The following RAB3IP variants were observed in gnomAD, a reference collection of about 807,000 sequenced individuals.
RAB3IP encodes RAB3A interacting protein.
In RAB3IP, 36 loss-of-function variants were observed where a neutral mutation model predicts 59.1. The ratio of observed to expected loss-of-function variants is 0.61; its 90% confidence interval spans 0.47 to 0.80. The LOEUF is 0.80. Among genes scored for constraint, RAB3IP ranks in the 30% least tolerant of loss-of-function variants. The pLI, the probability that RAB3IP is intolerant of heterozygous loss-of-function variation, is 0.00. For missense variants in RAB3IP, 511 were observed against 536.0 expected, an observed-to-expected ratio of 0.95 and a Z score of 0.46; for synonymous variants, 207 against 191.2, an observed-to-expected ratio of 1.08 and a Z score of -0.68.
In RAB3IP at chr12:69,759,761, C is replaced by T. The variant is rs571637677; in HGVS notation, c.510+3098C>T. On this transcript the variant is annotated intron_variant, in intron 3 of 10. Transcript: ENST00000247833. Reference sequence around the variant, plus strand: ...GGGCGGGGGCTGACCCCCCACCTCCCTCCCGGATGGGGCGGCTGGCCGGGC... The same window carrying T: ...GGGCGGGGGCTGACCCCCCACCTCCTTCCCGGATGGGGCGGCTGGCCGGGC... 9.9e-5 allele frequency among the ~76,000 whole-genome samples: 15 copies of T among 151,578 alleles called. No individual in the cohort carries two copies. In the South Asian group the frequency reaches 3.1e-3, roughly 32 times the overall value.
chr12:69,753,612 G>A (rs1004695518), intron 1 of RAB3IP, among the ~76,000 whole-genome samples: 1 of 152,142 alleles, frequency 6.6e-6, no homozygotes, highest in Non-Finnish European at 1.5e-5. Context: ...GCCTCCCAAA[G>A]TGCTGGGATT....
At chr12:69,801,310 G>C (rs1003350065) in intron 7 of RAB3IP, among the ~76,000 whole-genome samples, 1 of 152,154 alleles carries the variant, frequency 6.6e-6, no homozygotes, top group African/African-American at 2.4e-5. Flanking sequence ...TTTTGAAGTG[G>C]CATTAACTGT....
At chr12:69,755,829 G>T (rs1314100819) in intron 2 of RAB3IP, among the ~76,000 whole-genome samples, 170 bp downstream of exon 2, 2 of 152,144 alleles carry the variant, frequency 1.3e-5, no homozygotes, top group Non-Finnish European at 2.9e-5. Context: ...AACTTTATAT[G>T]TGAAGGACCA....
chr12:69,772,596 T>A (rs532241878), intron 3 of RAB3IP, among the ~76,000 whole-genome samples: 1 of 152,300 alleles, frequency 6.6e-6, no homozygotes, highest in South Asian at 2.1e-4. Context: ...GTGGTTACCA[T>A]GAGGCTTACA....
intron 1 of RAB3IP, 33 bp from the exon 2 acceptor site, chr12:69,755,351 A>G (rs756081397): frequency 1.8e-5 from 28 of 1,545,892 alleles, no homozygotes; most frequent in Non-Finnish European, 2.3e-5. Flanking sequence ...GTTATTATCT[A>G]AAAATAAGTA....
intron 1 of RAB3IP, among the ~76,000 whole-genome samples, chr12:69,749,211 C>T (rs1027148265): frequency 7.2e-5 from 11 of 152,196 alleles, no homozygotes; most frequent in African/African-American, 2.7e-4. Context: ...CCTGTCAGAT[C>T]AGCAAGCTGC....
chr12:69,758,756 C>CTTT lies in RAB3IP; in HGVS notation c.510+2116_510+2118dup, dbSNP rs71437121. Reference sequence around the variant, plus strand: ...TACATGGGCATCTGTGTGTTCATTCCTTTTTTTTTTTTTTTTTTTTTTTTT... The same window carrying CTTT: ...TACATGGGCATCTGTGTGTTCATTCCTTTTTTTTTTTTTTTTTTTTTTTTTTTT... On this transcript the variant is annotated intron_variant, in intron 3 of 10. Coordinates refer to ENST00000247833, the MANE Select transcript of RAB3IP (RefSeq NM_022456.5). Among the ~76,000 whole-genome samples, 49 of 48,208 alleles carry CTTT rather than the reference C, an allele frequency of 1.0e-3. 2 individuals are homozygous for CTTT. The highest frequency in any genetic ancestry group is 3.0e-3 in the Admixed American group (9 of 2,968). The allele number at this position is 48,208 out of a possible 152,430, so 31.6% of individuals were successfully genotyped here. A position where few individuals can be genotyped will look rare whatever the true frequency, so the allele number is the denominator to read the frequency against.
chr12:69,803,968 T>A (rs1213982541), intron 8 of RAB3IP, among the ~76,000 whole-genome samples: 1 of 152,202 alleles, frequency 6.6e-6, no homozygotes, highest in Non-Finnish European at 1.5e-5. Context: ...TACATGTGCA[T>A]GTGTCTTTAT....
At chr12:69,784,580 C>T in intron 3 of RAB3IP, 140 bp from the exon 4 acceptor site, 5 of 352,276 alleles carry the variant, frequency 1.4e-5, no homozygotes. Context: ...ATAGCAGGTG[C>T]TAGATAAATA....
In RAB3IP at chr12:69,812,857, T is replaced by A. The variant is rs1306883731; in HGVS notation, c.1210T>A (p.Ser404Thr). The change falls in exon 9 of 11, where the codon TCT becomes ACT. Residue 404 changes from serine (S) to threonine (T), a missense_variant. Physicochemically the swap from Ser to Thr is moderately conservative, Grantham distance 58. Coordinates refer to ENST00000247833, the MANE Select transcript of RAB3IP (RefSeq NM_022456.5). ...GGACTCAAGCAACTATTATTATATTTCTCCTTTTTGCAGATACAGGGTAAG... is the reference window on the plus strand; with the variant it reads ...GGACTCAAGCAACTATTATTATATTACTCCTTTTTGCAGATACAGGGTAAG... ...LGDSSNYYYI[S>T]PFCRYRITSV... 1.2e-6 allele frequency: 2 copies of A among 1,612,664 alleles called. No homozygotes were observed. Among genetic ancestry groups the A allele is most frequent in the Non-Finnish European group, 1.7e-6 (2 of 1,178,776 alleles).
At chr12:69,768,947 C>A (rs946657732) in intron 3 of RAB3IP, among the ~76,000 whole-genome samples, 1 of 152,062 alleles carries the variant, frequency 6.6e-6, no homozygotes, top group African/African-American at 2.4e-5. Flanking sequence ...ATCTTGAATT[C>A]CCATGTGTTG....
intron 8 of RAB3IP, among the ~76,000 whole-genome samples, chr12:69,806,230 T>A (rs1306635777): frequency 6.6e-6 from 1 of 152,086 alleles, no homozygotes; most frequent in East Asian, 1.9e-4. Flanking sequence ...CTTGGGAGAG[T>A]GTATGTGTCG....
intron 4 of RAB3IP, among the ~76,000 whole-genome samples, chr12:69,792,531 G>A (rs559817304): frequency 2.0e-5 from 3 of 152,252 alleles, no homozygotes; most frequent in Admixed American, 2.0e-4. Context: ...TGGTATAGGT[G>A]ATACTTACAT....
chr12:69,801,667 G>A lies in RAB3IP; in HGVS notation c.1076G>A (p.Gly359Glu). 2 of 1,613,124 alleles carry A rather than the reference G, an allele frequency of 1.2e-6. No individual in the cohort carries two copies. Among genetic ancestry groups the A allele is most frequent in the Non-Finnish European group, 1.7e-6 (2 of 1,179,440 alleles). ...ENNTLSIEPV[G>E]LQPIRFVKAS... ...AATACTCTAAGCATTGAACCAGTGGGATTACAACCTATCCGGTTTGTGAAA... is the reference window on the plus strand; with the variant it reads ...AATACTCTAAGCATTGAACCAGTGGAATTACAACCTATCCGGTTTGTGAAA... Residue 359 changes from glycine to glutamate, a missense_variant, in exon 8 of 11, where the codon GGA becomes GAA. Coordinates refer to ENST00000247833, the MANE Select transcript of RAB3IP (RefSeq NM_022456.5).
intron 8 of RAB3IP, among the ~76,000 whole-genome samples, chr12:69,806,129 A>G (rs960142965): frequency 7.2e-5 from 11 of 151,956 alleles, no homozygotes; most frequent in South Asian, 6.2e-4. Flanking sequence ...TCTGGTCTGG[A>G]CTTTTTTTGG....
intron 1 of RAB3IP, among the ~76,000 whole-genome samples, chr12:69,747,813 T>C (rs1868571489): frequency 6.6e-6 from 1 of 152,200 alleles, no homozygotes; most frequent in Admixed American, 6.5e-5. Context: ...TACACTGAAA[T>C]AGATGAAGAT....
At chr12:69,797,680 C>G (rs537513967) in intron 6 of RAB3IP, among the ~76,000 whole-genome samples, 1 of 151,836 alleles carries the variant, frequency 6.6e-6, no homozygotes, top group Non-Finnish European at 1.5e-5. Flanking sequence ...CCCATCCCCC[C>G]ACCCCACAAC....
intron 1 of RAB3IP, among the ~76,000 whole-genome samples, chr12:69,744,376 C>T (rs1210064941): frequency 6.7e-6 from 1 of 149,492 alleles, no homozygotes; most frequent in African/African-American, 2.5e-5. Flanking sequence ...AAACTGTCAA[C>T]ATAACACACT....
At chr12:69,742,839 A>T (rs1887485062) in intron 1 of RAB3IP, among the ~76,000 whole-genome samples, 1 of 152,202 alleles carries the variant, frequency 6.6e-6, no homozygotes, top group Admixed American at 6.5e-5. Context: ...CTTACATCGT[A>T]CATAGTCATG....
Sources: gnomAD v4.1 joint callset for allele counts (sites outside exome capture counted in the v4.1 genomes callset) on GRCh38, gnomAD v4.1.1 for gene constraint, MANE v1.5 for transcripts, NCBI Gene and HGNC (gene_info 2026-07-23, HGNC 2026-07-21) for gene names.